NUDT6: variants seen among roughly 807,000 people sequenced by gnomAD.
The protein encoded by NUDT6 is FAD diphosphatase NUDT6.
Under a neutral mutation model 36.8 loss-of-function variants are expected in NUDT6, and 24 were observed. The observed-to-expected ratio is 0.65, with a 90% CI of 0.47 to 0.92. The LOEUF (loss-of-function observed/expected upper bound fraction) is 0.92. Among genes scored for constraint, NUDT6 ranks in the 40% least tolerant of loss-of-function variants. The probability of loss-of-function intolerance (pLI) is 0.00; values close to 1 mark genes in which losing one functional copy is unlikely to be tolerated. For synonymous variants in NUDT6, 163 were observed against 157.0 expected (o/e 1.04, Z -0.29); for missense variants, 388 against 392.8 (o/e 0.99, Z 0.10).
chr4:122,917,702 C>A lies in NUDT6; in HGVS notation c.241G>T (p.Ala81Ser), dbSNP rs560772720. ...CCTTCTGATCGCCATTGCTGTACTG[C>A]AGCTAAATGCAGAAGAAAAAAGTCT... ...AAAFQKGLQA[A>S]VQQWRSEGRT... is the part of the protein sequence containing the mutation. The change falls in exon 2 of 5, where the codon GCA (alanine) becomes TCA (serine). Residue 81 changes from alanine (A) to serine (S), a missense_variant and splice_region_variant. Ala to Ser is a moderately conservative substitution (Grantham distance 99, BLOSUM62 1). Coordinates refer to ENST00000304430, the MANE Select transcript of NUDT6 (RefSeq NM_007083.5). The A allele has an allele frequency of 6.2e-7, 1 of 1,613,416 alleles. No individual in the cohort carries two copies. Among genetic ancestry groups the A allele is most frequent in the South Asian group, 1.1e-5 (1 of 90,988 alleles).
At chr4:122,897,447 T>C in intron 4 of NUDT6, 177 bp downstream of exon 4, 1 of 625,060 alleles carries the variant, frequency 1.6e-6, no homozygotes. Context: ...GAATAAACTG[T>C]AATATTAGAA....
intron 3 of NUDT6, among the ~76,000 whole-genome samples, chr4:122,898,889 T>C (rs1325279658): frequency 6.6e-6 from 1 of 151,948 alleles, no homozygotes; most frequent in Non-Finnish European, 1.5e-5. Flanking sequence ...ATAAATTCCA[T>C]TTACTTTTTG....
chr4:122,902,036 A>AT (rs1727533288), intron 3 of NUDT6, among the ~76,000 whole-genome samples: 3 of 152,022 alleles, frequency 2.0e-5, no homozygotes, highest in Admixed American at 2.0e-4. Flanking sequence ...GTTATCTTTT[A>AT]TTTTTCATTG....
chr4:122,920,359 C>T (rs376063566), intron 1 of NUDT6: 13 of 152,128 alleles, frequency 8.5e-5, no homozygotes, highest in Admixed American at 6.6e-4. Flanking sequence ...TGCTATCTAC[C>T]TCAAAGGGTT....
intron 3 of NUDT6, chr4:122,898,191 G>A (rs1727425632): frequency 1.3e-5 from 2 of 152,270 alleles, no homozygotes; most frequent in Admixed American, 1.3e-4. Flanking sequence ...TGCTTTTCAT[G>A]AGTAGTATGA....
At chr4:122,896,629 G>C (rs1401464499) in intron 4 of NUDT6, 1 of 152,056 alleles carries the variant, frequency 6.6e-6, no homozygotes, top group Non-Finnish European at 1.5e-5. Flanking sequence ...AGGTCAATAA[G>C]TACCTGAAAC....
chr4:122,915,361 T>C (rs1727807186), intron 2 of NUDT6, among the ~76,000 whole-genome samples: 1 of 151,398 alleles, frequency 6.6e-6, no homozygotes, highest in African/African-American at 2.4e-5. Flanking sequence ...TCCCAGCTAC[T>C]TGGGAGGCTA....
chr4:122,897,554 A>T, intron 4 of NUDT6, 70 bp downstream of exon 4: 2 of 1,121,790 alleles, frequency 1.8e-6, no homozygotes, highest in East Asian at 4.7e-5. Context: ...TCTTAGCTAT[A>T]AAGCAAGAAA....
chr4:122,908,107 C>CA (rs56981643), intron 3 of NUDT6, among the ~76,000 whole-genome samples: 3 of 151,908 alleles, frequency 2.0e-5, no homozygotes, highest in African/African-American at 4.8e-5. Flanking sequence ...AAGGGGACCC[C>CA]AAAAAAATCT....
At position 122,922,561 on chromosome 4, in the gene NUDT6, T is replaced by TCAGC. The variant is rs765181618; in HGVS notation, c.11_12insGCTG (p.Ser6ThrfsTer86). 6.3e-7 allele frequency: 1 copy of TCAGC among 1,597,066 alleles called. No individual in the cohort carries two copies. Among genetic ancestry groups the TCAGC allele is most frequent in the Admixed American group, 1.7e-5 (1 of 59,532 alleles). On this transcript the variant is annotated frameshift_variant, in exon 1 of 5. Coordinates refer to ENST00000304430, the MANE Select transcript of NUDT6 (RefSeq NM_007083.5). LOFTEE classifies it high-confidence loss of function. Reference sequence around the variant, plus strand: ...TCGCGCGCCAGCGGCCCCAGCTCAGTGGCTGCCGCATCTCCACGCCGCTTA... The same window carrying TCAGC: ...TCGCGCGCCAGCGGCCCCAGCTCAGTCAGCGGCTGCCGCATCTCCACGCCGCTTA...
At chr4:122,918,498 A>G (rs1359889889) in intron 1 of NUDT6, 1 of 152,232 alleles carries the variant, frequency 6.6e-6, no homozygotes, top group Non-Finnish European at 1.5e-5. Context: ...TCAGATTTAG[A>G]GTTTTTAGAA....
chr4:122,917,356 C>T, intron 2 of NUDT6, 145 bp downstream of exon 2: 1 of 719,468 alleles, frequency 1.4e-6, no homozygotes, highest in South Asian at 1.7e-5. Context: ...TGGAACACAT[C>T]CTGTGCAGAT....
chr4:122,899,605 T>C (rs1727468973), intron 3 of NUDT6, among the ~76,000 whole-genome samples: 2 of 152,126 alleles, frequency 1.3e-5, no homozygotes, highest in African/African-American at 4.8e-5. Context: ...TCTTCCCACT[T>C]TTTTTTCTTT....
At chr4:122,910,522 T>C (rs1368937534) in intron 3 of NUDT6, among the ~76,000 whole-genome samples, 2 of 152,218 alleles carry the variant, frequency 1.3e-5, no homozygotes, top group African/African-American at 4.8e-5. Flanking sequence ...CACAATCATG[T>C]TATCTGGCTG....
At chr4:122,897,932 C>G (rs1727414954) in intron 3 of NUDT6, 2 of 415,716 alleles carry the variant, frequency 4.8e-6, no homozygotes, top group South Asian at 4.0e-5. Context: ...TAACGTGATA[C>G]ATTCTGTATG....
At chr4:122,908,620 C>T (rs1436711390) in intron 3 of NUDT6, among the ~76,000 whole-genome samples, 1 of 152,206 alleles carries the variant, frequency 6.6e-6, no homozygotes, top group African/African-American at 2.4e-5. Context: ...TGCCCACTGG[C>T]ACACGTTTGC....
rs764593074 is a variant in NUDT6, at chr4:122,893,242, A to G, written c.554-17T>C. ...CTGTGTCTCCTACGTAAAAAAAGAGATGTACAAATCAATAATAATTACACT... is the reference window on the plus strand; with the variant it reads ...CTGTGTCTCCTACGTAAAAAAAGAGGTGTACAAATCAATAATAATTACACT... On this transcript the variant is annotated splice_polypyrimidine_tract_variant and intron_variant, in intron 4 of 4. Coordinates refer to ENST00000304430, the MANE Select transcript of NUDT6 (RefSeq NM_007083.5). The G allele has an allele frequency of 1.3e-6, 2 of 1,573,374 alleles. No homozygotes were observed. The highest frequency in any genetic ancestry group is 1.7e-6 in the Non-Finnish European group (2 of 1,160,914).
At chr4:122,903,289 A>G (rs1727559671) in intron 3 of NUDT6, among the ~76,000 whole-genome samples, 1 of 152,178 alleles carries the variant, frequency 6.6e-6, no homozygotes, top group African/African-American at 2.4e-5. Context: ...TTTAGCTTCT[A>G]CCAGTACCAA....
chr4:122,893,134 A>G lies in NUDT6; in HGVS notation c.645T>C (p.Pro215=). ...VLSIRQQHTN[P]GAFGKSDMYI... ...ACATATCTGACTTCCCAAAAGCTCC[A>G]GGATTTGTGTGCTGTTGCCGAATAC... is the stretch of plus-strand genomic sequence containing the variant. Residue 215 remains proline, a synonymous_variant, in exon 5 of 5, where the codon CCT becomes CCC. Transcript: ENST00000304430. 6 of 1,614,210 alleles carry G rather than the reference A, an allele frequency of 3.7e-6. No homozygotes were observed. Among genetic ancestry groups the G allele is most frequent in the Non-Finnish European group, 5.1e-6 (6 of 1,180,030 alleles).
Sources: allele counts gnomAD v4.1 joint callset (sites outside exome capture counted in the v4.1 genomes callset), GRCh38; gene constraint gnomAD v4.1.1; transcripts MANE v1.5; gene names NCBI Gene and HGNC (gene_info 2026-07-23, HGNC 2026-07-21).